GABRG1: variants seen among roughly 807,000 people sequenced by gnomAD.
The protein encoded by GABRG1 is gamma-aminobutyric acid receptor subunit gamma-1.
Under a neutral mutation model 49.8 loss-of-function variants are expected in GABRG1, and 49 were observed. The ratio of observed to expected loss-of-function variants is 0.98; its 90% CI spans 0.78 to 1.25. The LOEUF (loss-of-function observed/expected upper bound fraction) is 1.25, where lower values mean the gene tolerates loss of function less well. Ranked by LOEUF, GABRG1 falls within the 50% of genes most tolerant of loss-of-function variation. The pLI, the probability that GABRG1 is intolerant of heterozygous loss-of-function variation, is 0.00. For missense variants in GABRG1, 552 were observed against 552.3 expected (o/e 1.00, Z 0.01); for synonymous variants, 232 against 185.1 (o/e 1.25, Z -2.06).
At chr4:46,045,960 A>G (rs1010929470) in intron 8 of GABRG1, among the ~76,000 whole-genome samples, 2 of 152,138 alleles carry the variant, frequency 1.3e-5, no homozygotes, top group Non-Finnish European at 2.9e-5. Context: ...AGTTATAGAT[A>G]CCTGGAAATT....
chr4:46,097,289 C>G lies in GABRG1; in HGVS notation c.165G>C (p.Leu55Phe). Residue 55 changes from leucine (L) to phenylalanine (F), a missense_variant, in exon 2 of 9, where the codon TTG (leucine) becomes TTC (phenylalanine). Leu to Phe is a conservative substitution (Grantham distance 22). Transcript: ENST00000295452. ...TATCTCCTTCATGAATTTTTGGGGCCAAGACCCAGGTTTTGTTCACCGTTA... is the reference window on the plus strand; with the variant it reads ...TATCTCCTTCATGAATTTTTGGGGCGAAGACCCAGGTTTTGTTCACCGTTA... ...EDLTVNKTWV[L>F]APKIHEGDIT... The G allele has an allele frequency of 6.2e-7, 1 of 1,610,890 alleles. No homozygotes were observed. The highest frequency in any genetic ancestry group is 8.5e-7 in the Non-Finnish European group (1 of 1,178,026).
intron 5 of GABRG1, among the ~76,000 whole-genome samples, chr4:46,064,215 G>C (rs1718820415): frequency 6.6e-6 from 1 of 151,866 alleles, no homozygotes; most frequent in Admixed American, 6.6e-5. Flanking sequence ...AAAATTAAAA[G>C]TTATAAAGAA....
intron 8 of GABRG1, among the ~76,000 whole-genome samples, chr4:46,047,824 T>C (rs189751279): frequency 5.6e-4 from 85 of 152,144 alleles, no homozygotes; most frequent in African/African-American, 1.9e-3. Context: ...TATTGTATCT[T>C]ATTATGTTTG....
chr4:46,072,840 AC>A (rs1290898985), intron 3 of GABRG1, among the ~76,000 whole-genome samples: 1 of 148,846 alleles, frequency 6.7e-6, no homozygotes, highest in Non-Finnish European at 1.5e-5. Context: ...AAGTGTGTTT[AC>A]CTGTTTTTTA....
intron 2 of GABRG1, among the ~76,000 whole-genome samples, chr4:46,096,805 G>A (rs1249368156): frequency 6.6e-6 from 1 of 151,574 alleles, no homozygotes; most frequent in African/African-American, 2.4e-5. Context: ...TTATACTCTA[G>A]TCTTACCCAG....
chr4:46,090,949 C>CACAT lies in GABRG1; in HGVS notation c.253+6251_253+6252insATGT, dbSNP rs1386580194. 7.3e-3 allele frequency among the ~76,000 whole-genome samples: 1,008 copies of CACAT among 137,406 alleles called. 5 individuals are homozygous for CACAT. Among genetic ancestry groups the CACAT allele is most frequent in the African/African-American group, 0.016 (575 of 36,714 alleles). The allele number at this position is 137,406 out of a possible 152,430, so 90.1% of individuals were successfully genotyped here. ...TCCCTGGAATACACACACACACACA[C>CACAT]ACACATACACACACACACACACACA... On this transcript the variant is annotated intron_variant, in intron 2 of 8. Transcript: ENST00000295452.
At chr4:46,080,469 T>C (rs556509031) in intron 3 of GABRG1, among the ~76,000 whole-genome samples, 33 of 152,026 alleles carry the variant, frequency 2.2e-4, no homozygotes, top group African/African-American at 7.9e-4. Flanking sequence ...ATGGGGTTCT[T>C]TTATTTGTTT....
intron 3 of GABRG1, among the ~76,000 whole-genome samples, chr4:46,069,793 A>T (rs1362133173): frequency 6.6e-6 from 1 of 152,078 alleles, no homozygotes; most frequent in Non-Finnish European, 1.5e-5. Context: ...TCTTGGTATG[A>T]ACATATACAT....
At position 46,041,186 on chromosome 4, in the gene GABRG1, A is replaced by G. The variant is rs1717765722; in HGVS notation, c.1200T>C (p.Asp400=). The change falls in exon 9 of 9, where the codon GAT becomes GAC. Residue 400 remains aspartate, a synonymous_variant. Transcript: ENST00000295452. ...PMNNISVPQE[D]DYGYQCLEGK... is the part of the protein sequence containing the mutation. ...CCTCCAAACACTGATACCCATAATC[A>G]TCTTCTTGCGGCACAGAAATATTAT... 6.2e-7 allele frequency: 1 copy of G among 1,613,028 alleles called. No homozygotes were observed.
chr4:46,065,926 G>T (rs1490886908), intron 3 of GABRG1, among the ~76,000 whole-genome samples: 6 of 152,044 alleles, frequency 3.9e-5, no homozygotes, highest in Non-Finnish European at 7.4e-5. Context: ...GTTTCACCGT[G>T]TTAGCCAGGA....
rs752102123 is a variant in GABRG1 at position 46,065,551 on chromosome 4, A to T, written c.355T>A (p.Trp119Arg). 6.3e-7 allele frequency: 1 copy of T among 1,581,082 alleles called. No homozygotes were observed. Among genetic ancestry groups the T allele is most frequent in the Non-Finnish European group, 8.7e-7 (1 of 1,150,852 alleles). ...YTIDIIFAQTWFDSRLKFNST... is the reference protein window; with the variant it reads ...YTIDIIFAQTRFDSRLKFNST... Reference sequence around the variant, plus strand: ...TTGAATTTTAAACGACTGTCAAACCAGGTTTGGGCAAAAATTATATCTATT... The same window carrying T: ...TTGAATTTTAAACGACTGTCAAACCTGGTTTGGGCAAAAATTATATCTATT... The change falls in exon 4 of 9, where the codon TGG becomes AGG. Residue 119 changes from tryptophan to arginine, a missense_variant. Trp to Arg is a moderately radical substitution (Grantham distance 101, BLOSUM62 -3). Transcript: ENST00000295452.
At chr4:46,108,012 T>A (rs1720607491) in intron 1 of GABRG1, among the ~76,000 whole-genome samples, 1 of 151,096 alleles carries the variant, frequency 6.6e-6, no homozygotes, top group African/African-American at 2.4e-5. Context: ...AATCAATAGG[T>A]TTCCTAGCAC....
At chr4:46,066,283 T>C (rs927512639) in intron 3 of GABRG1, among the ~76,000 whole-genome samples, 5 of 152,120 alleles carry the variant, frequency 3.3e-5, no homozygotes, top group African/African-American at 1.2e-4. Context: ...TTAAGAGCCC[T>C]TACATTGTTT....
intron 8 of GABRG1, 131 bp from the exon 9 acceptor site, chr4:46,041,385 T>C: frequency 2.1e-5 from 16 of 747,580 alleles, no homozygotes; most frequent in Non-Finnish European, 3.3e-5. Context: ...AAATCAAGTA[T>C]TTTCAATTAT....
chr4:46,064,466 A>G lies in GABRG1; in HGVS notation c.600T>C (p.His200=). Reference sequence around the variant, plus strand: ...AGCTTGAAAATTCCAGTGGACAGGAATGTTCATCCATGGGAAAGTTATGAA... The same window carrying G: ...AGCTTGAAAATTCCAGTGGACAGGAGTGTTCATCCATGGGAAAGTTATGAA... ...LQLHNFPMDE[H]SCPLEFSSYG... The change falls in exon 5 of 9, where the codon CAT becomes CAC. Residue 200 remains histidine (H), a synonymous_variant. Coordinates refer to ENST00000295452, the MANE Select transcript of GABRG1 (RefSeq NM_173536.4). The G allele has an allele frequency of 6.5e-7, 1 of 1,541,146 alleles. No homozygotes were observed. Among genetic ancestry groups the G allele is most frequent in the South Asian group, 1.3e-5 (1 of 77,592 alleles).
chr4:46,042,347 T>C (rs1197695377), intron 8 of GABRG1, among the ~76,000 whole-genome samples: 2 of 151,984 alleles, frequency 1.3e-5, no homozygotes, highest in Non-Finnish European at 2.9e-5. Flanking sequence ...AGTTAATGAC[T>C]CCTTTAATAA....
In GABRG1 at chr4:46,039,828, G is replaced by T. The variant is rs1717686994; in HGVS notation, c.*1160C>A. ...TCTAACAAAACTCCCTCTTTAACATGATTTTGAGGCTGCCCCCAGTTTCTA... is the reference window on the plus strand; with the variant it reads ...TCTAACAAAACTCCCTCTTTAACATTATTTTGAGGCTGCCCCCAGTTTCTA... On this transcript the variant is annotated 3_prime_UTR_variant, in exon 9 of 9. Transcript: ENST00000295452. 6.6e-6 allele frequency: 1 copy of T among 151,230 alleles called. No individual in the cohort carries two copies. The highest frequency in any genetic ancestry group is 1.5e-5 in the Non-Finnish European group (1 of 67,656). The allele number at this position is 151,230 out of a possible 1,614,324, so 9.4% of individuals were successfully genotyped here.
chr4:46,102,271 AC>A (rs760666333), intron 1 of GABRG1, among the ~76,000 whole-genome samples: 20 of 151,638 alleles, frequency 1.3e-4, no homozygotes, highest in Non-Finnish European at 2.4e-4. Flanking sequence ...CTGAGTCTGC[AC>A]CAGACCCAAG....
intron 5 of GABRG1, among the ~76,000 whole-genome samples, chr4:46,061,895 C>G (rs867014406): frequency 2.1e-5 from 3 of 144,932 alleles, no homozygotes; most frequent in South Asian, 4.3e-4. Flanking sequence ...TATTATTATA[C>G]TTTCAGTTTT....
Sources: allele counts gnomAD v4.1 joint callset (sites outside exome capture counted in the v4.1 genomes callset), GRCh38; gene constraint gnomAD v4.1.1; transcripts MANE v1.5; gene names NCBI Gene and HGNC (gene_info 2026-07-23, HGNC 2026-07-21).